The following SLC24A3 variants were observed in gnomAD, a reference collection of about 807,000 sequenced individuals.
The protein encoded by SLC24A3 is sodium/potassium/calcium exchanger 3.
A neutral mutation model predicts 75.8 loss-of-function variants in SLC24A3; 28 were observed. The ratio of observed to expected loss-of-function variants is 0.37; its 90% CI spans 0.27 to 0.51. SLC24A3 has a LOEUF of 0.51. Among genes scored for constraint, SLC24A3 ranks in the 20% least tolerant of loss-of-function variants. The pLI is 0.94. For synonymous variants in SLC24A3, 372 were observed against 334.1 expected (o/e 1.11, Z -1.24); for missense variants, 663 against 847.8 (o/e 0.78, Z 2.71).
chr20:19,694,479 C>T (rs1392955316), intron 13 of SLC24A3: 1 of 152,198 alleles, frequency 6.6e-6, no homozygotes, highest in African/African-American at 2.4e-5. Flanking sequence ...ATAATCATCT[C>T]TTTCCTCAAT....
At chr20:19,635,213 T>C (rs1349290395) in intron 6 of SLC24A3, among the ~76,000 whole-genome samples, 1 of 152,196 alleles carries the variant, frequency 6.6e-6, no homozygotes, top group Non-Finnish European at 1.5e-5. Flanking sequence ...CAGATACCAA[T>C]AATGCATAGC....
In SLC24A3 at chr20:19,543,441, G is replaced by A. The variant is rs117967804; in HGVS notation, c.348+27877G>A. On this transcript the variant is annotated intron_variant, in intron 3 of 16. Transcript: ENST00000328041. ...GCCTCTGGAGGGCCCGAACTATGTA[G>A]CATTTATTCAGTGAGTACTTACTGA... Among the ~76,000 whole-genome samples the A allele has an allele frequency of 5.9e-3, 895 of 152,344 alleles. 6 individuals carry two copies. Among genetic ancestry groups the A allele is most frequent in the Middle Eastern group, 0.027 (8 of 294 alleles).
At chr20:19,216,146 T>C (rs1981546685) in intron 1 of SLC24A3, among the ~76,000 whole-genome samples, 1 of 152,278 alleles carries the variant, frequency 6.6e-6, no homozygotes, top group African/African-American at 2.4e-5. Context: ...ATCTCATTTT[T>C]GATCTCTGTT....
intron 2 of SLC24A3, among the ~76,000 whole-genome samples, chr20:19,412,923 TG>T (rs754101935): frequency 6.1e-4 from 93 of 152,302 alleles, no homozygotes; most frequent in Non-Finnish European, 1.2e-3. Context: ...ACAATGTTTT[TG>T]GGATAAATAT....
At chr20:19,611,888 C>A (rs561540625) in intron 6 of SLC24A3, among the ~76,000 whole-genome samples, 1 of 152,308 alleles carries the variant, frequency 6.6e-6, no homozygotes, top group African/African-American at 2.4e-5. Flanking sequence ...CTTGTTCACT[C>A]CTGGAATCGT....
intron 1 of SLC24A3, among the ~76,000 whole-genome samples, chr20:19,245,527 GA>G (rs1982461282): frequency 6.6e-6 from 1 of 152,076 alleles, no homozygotes; most frequent in Non-Finnish European, 1.5e-5. Flanking sequence ...TTTATTAAAT[GA>G]AACGTTTGTG....
intron 2 of SLC24A3, among the ~76,000 whole-genome samples, chr20:19,287,413 T>C (rs1284980528): frequency 6.6e-6 from 1 of 152,240 alleles, no homozygotes; most frequent in Non-Finnish European, 1.5e-5. Flanking sequence ...CAGTGGAATG[T>C]AGAAAGAAGA....
At chr20:19,551,475 T>G (rs1012627274) in intron 3 of SLC24A3, among the ~76,000 whole-genome samples, 4 of 152,194 alleles carry the variant, frequency 2.6e-5, no homozygotes, top group African/African-American at 9.7e-5. Flanking sequence ...GTATTTTAAA[T>G]GAATTATGAC....
At chr20:19,553,759 AG>A (rs1313412326) in intron 3 of SLC24A3, among the ~76,000 whole-genome samples, 2 of 152,152 alleles carry the variant, frequency 1.3e-5, no homozygotes, top group Non-Finnish European at 1.5e-5. Context: ...CATGCATTGG[AG>A]TGTACAGGTG....
chr20:19,517,862 C>T (rs1008478764), intron 3 of SLC24A3, among the ~76,000 whole-genome samples: 1 of 152,142 alleles, frequency 6.6e-6, no homozygotes, highest in Non-Finnish European at 1.5e-5. Flanking sequence ...GCCAGGTGGG[C>T]AGAGCAGCAG....
At chr20:19,354,783 A>G (rs1410019554) in intron 2 of SLC24A3, among the ~76,000 whole-genome samples, 2 of 152,108 alleles carry the variant, frequency 1.3e-5, no homozygotes, top group African/African-American at 2.4e-5. Flanking sequence ...CTTCTCAAGG[A>G]TGTGTAGCAA....
chr20:19,513,774 G>C (rs77515979), intron 2 of SLC24A3, among the ~76,000 whole-genome samples: 2 of 148,036 alleles, frequency 1.4e-5, no homozygotes, highest in Non-Finnish European at 3.0e-5. Flanking sequence ...TATTATTGAC[G>C]TATAAAAATT....
rs192041203 is a variant in SLC24A3 at position 19,370,903 on chromosome 20, C to T, written c.271+89816C>T. ...GGGCTGTCAGCAGCCTGGTGGGTCC[C>T]GGTGGTGGTTCTCATCCTTTAGTGT... is the stretch of plus-strand genomic sequence containing the variant. On this transcript the variant is annotated intron_variant, in intron 2 of 16. Coordinates refer to ENST00000328041, the MANE Select transcript of SLC24A3 (RefSeq NM_020689.4). Among the ~76,000 whole-genome samples the T allele has an allele frequency of 1.3e-4, 20 of 152,186 alleles. 1 individual carries two copies. The highest frequency in any genetic ancestry group is 1.8e-4 in the Non-Finnish European group (12 of 68,004).
intron 2 of SLC24A3, among the ~76,000 whole-genome samples, chr20:19,393,010 C>T (rs1296832235): frequency 6.6e-6 from 1 of 152,112 alleles, no homozygotes; most frequent in Non-Finnish European, 1.5e-5. Context: ...TCTCTGATCA[C>T]ACCTGGTTAT....
intron 2 of SLC24A3, among the ~76,000 whole-genome samples, chr20:19,301,875 T>A (rs1305908823): frequency 6.6e-6 from 1 of 152,182 alleles, no homozygotes; most frequent in Non-Finnish European, 1.5e-5. Flanking sequence ...CCGCCCATGT[T>A]TAGCTGTTGA....
At chr20:19,582,940 C>T (rs2031239671) in intron 4 of SLC24A3, among the ~76,000 whole-genome samples, 1 of 152,128 alleles carries the variant, frequency 6.6e-6, no homozygotes, top group Non-Finnish European at 1.5e-5. Flanking sequence ...CATGTGGAGG[C>T]TTCCAGGACA....
intron 6 of SLC24A3, among the ~76,000 whole-genome samples, chr20:19,611,131 A>G (rs1419243927): frequency 6.6e-6 from 1 of 152,172 alleles, no homozygotes; most frequent in Non-Finnish European, 1.5e-5. Context: ...ACAGACCTAG[A>G]TCCAAGTGAC....
At chr20:19,696,937 A>AGGAGGGAG (rs762965517) in intron 14 of SLC24A3, 26 bp downstream of exon 14, 1 of 738,910 alleles carries the variant, frequency 1.4e-6, no homozygotes, top group African/African-American at 2.1e-5. Context: ...GCAATGGGGA[A>AGGAGGGAG]GGAGGGAGGG....
chr20:19,430,324 TC>T (rs1185936750), intron 2 of SLC24A3, among the ~76,000 whole-genome samples: 3 of 152,072 alleles, frequency 2.0e-5, no homozygotes, highest in Non-Finnish European at 4.4e-5. Flanking sequence ...AACAGAGTTT[TC>T]CCTTGGCTCA....
Sources: gnomAD v4.1 joint callset for allele counts (sites outside exome capture counted in the v4.1 genomes callset) on GRCh38, gnomAD v4.1.1 for gene constraint, MANE v1.5 for transcripts, NCBI Gene and HGNC (gene_info 2026-07-23, HGNC 2026-07-21) for gene names.